The following STXBP6 variants were observed in gnomAD, a reference collection of about 807,000 sequenced individuals.
The protein encoded by STXBP6 is syntaxin-binding protein 6.
STXBP6 carries 21 observed loss-of-function variants against 26.9 expected under a neutral mutation model. That is an observed-to-expected ratio of 0.78 (90% CI 0.55 to 1.12). STXBP6 has a LOEUF of 1.12. Ranked by LOEUF, STXBP6 falls within the 50% of genes most tolerant of loss-of-function variation. The probability of loss-of-function intolerance (pLI) is 0.00; values close to 1 mark genes in which losing one functional copy is unlikely to be tolerated. For synonymous variants in STXBP6, 97 were observed against 92.6 expected (o/e 1.05, Z -0.27); for missense variants, 232 against 257.9 (o/e 0.90, Z 0.69).
At chr14:24,895,230 T>C (rs1369958769) in intron 2 of STXBP6, among the ~76,000 whole-genome samples, 1 of 152,222 alleles carries the variant, frequency 6.6e-6, no homozygotes, top group Non-Finnish European at 1.5e-5. Flanking sequence ...TGTCCAGATT[T>C]TTTTCATTGT....
intron 1 of STXBP6, among the ~76,000 whole-genome samples, chr14:25,002,358 A>ATTTTTTTTTTTTTTTTTTTT (rs1566552415): frequency 1.8e-5 from 2 of 110,218 alleles, no homozygotes; most frequent in Non-Finnish European, 3.7e-5. Context: ...AATTCTTATG[A>ATTTTTTTTTTTTTTTTTTTT]CTTTTTTTTT....
Position 24,817,842 on chromosome 14 carries a change from C to T in STXBP6, c.609+1195G>A, listed in dbSNP as rs1028783211. ...TTGAAGGAACTCGAAATGGGCCCCA[C>T]GGGCAACAGTGCAGTAAGACCCTGT... On this transcript the variant is annotated intron_variant, in intron 5 of 5. Coordinates refer to ENST00000323944, the MANE Select transcript of STXBP6 (RefSeq NM_001394410.1). The T allele has an allele frequency of 7.3e-5, 24 of 330,656 alleles. No individual in the cohort carries two copies. In the Middle Eastern group the frequency reaches 5.5e-3, roughly 75 times the overall value. 20.5% of individuals were successfully genotyped at this position (330,656 alleles called of 1,614,324 possible).
intron 2 of STXBP6, among the ~76,000 whole-genome samples, chr14:24,864,228 C>A (rs1328826009): frequency 4.6e-5 from 7 of 152,128 alleles, no homozygotes; most frequent in African/African-American, 1.7e-4. Context: ...AGTTTCTCCA[C>A]AAGAAGCTCA....
chr14:25,046,122 G>A (rs866868707), intron 1 of STXBP6, among the ~76,000 whole-genome samples: 6 of 152,220 alleles, frequency 3.9e-5, no homozygotes, highest in South Asian at 2.1e-4. Flanking sequence ...CATAATGACC[G>A]TCTCACAACA....
intron 1 of STXBP6, among the ~76,000 whole-genome samples, chr14:25,033,827 C>A (rs1481043968): frequency 6.6e-6 from 1 of 152,216 alleles, no homozygotes; most frequent in Non-Finnish European, 1.5e-5. Flanking sequence ...TGATTTTGCT[C>A]ACCATGAAAA....
intron 2 of STXBP6, among the ~76,000 whole-genome samples, chr14:24,930,566 C>G (rs1455027912): frequency 6.6e-6 from 1 of 152,106 alleles, no homozygotes; most frequent in Non-Finnish European, 1.5e-5. Context: ...TCACAATGAA[C>G]TGATAACACT....
chr14:24,826,316 G>A (rs575125536), intron 4 of STXBP6, among the ~76,000 whole-genome samples: 1 of 152,262 alleles, frequency 6.6e-6, no homozygotes, highest in East Asian at 1.9e-4. Context: ...TATCTCATGA[G>A]ATTGCTGTGA....
At chr14:25,032,865 A>G (rs552293701) in intron 1 of STXBP6, among the ~76,000 whole-genome samples, 3 of 152,330 alleles carry the variant, frequency 2.0e-5, no homozygotes, top group African/African-American at 7.2e-5. Flanking sequence ...GAAGTTCAAA[A>G]TAACTTGTAA....
At chr14:24,887,501 G>C (rs2139491851) in intron 2 of STXBP6, among the ~76,000 whole-genome samples, 1 of 152,156 alleles carries the variant, frequency 6.6e-6, no homozygotes, top group East Asian at 1.9e-4. Flanking sequence ...AAACATTAAT[G>C]GAGGCTTCCA....
At chr14:24,987,933 A>C (rs529834736) in intron 1 of STXBP6, 1 of 968,418 alleles carries the variant, frequency 1.0e-6, no homozygotes, top group South Asian at 4.8e-5. Context: ...ACTGAGGAGA[A>C]GAAGAGCAAC....
chr14:25,048,192 C>T (rs1447024510), intron 1 of STXBP6, among the ~76,000 whole-genome samples: 2 of 152,222 alleles, frequency 1.3e-5, no homozygotes, highest in Non-Finnish European at 2.9e-5. Flanking sequence ...TCATTCAAAA[C>T]AACTGAGTAA....
At chr14:24,883,543 G>A (rs146291352) in intron 2 of STXBP6, among the ~76,000 whole-genome samples, 4 of 152,276 alleles carry the variant, frequency 2.6e-5, no homozygotes, top group East Asian at 3.9e-4. Context: ...GCTCATGAAT[G>A]GTAGAAGCCT....
intron 2 of STXBP6, among the ~76,000 whole-genome samples, chr14:24,942,641 CAT>C (rs1157258190): frequency 6.6e-6 from 1 of 152,198 alleles, no homozygotes; most frequent in Non-Finnish European, 1.5e-5. Context: ...TTTTATTCAG[CAT>C]TTATTGAACA....
intron 2 of STXBP6, among the ~76,000 whole-genome samples, chr14:24,859,886 T>C (rs1380223567): frequency 1.3e-5 from 2 of 152,202 alleles, no homozygotes; most frequent in Non-Finnish European, 2.9e-5. Context: ...TCCGGCTTCC[T>C]GCACTGGTAT....
At chr14:24,888,352 C>T (rs1044842664) in intron 2 of STXBP6, among the ~76,000 whole-genome samples, 7 of 152,168 alleles carry the variant, frequency 4.6e-5, no homozygotes, top group African/African-American at 1.7e-4. Flanking sequence ...ACCCAATATA[C>T]ATCAGAGAAT....
chr14:24,856,930 T>C (rs932776122), intron 3 of STXBP6, 97 bp downstream of exon 3: 4 of 1,420,138 alleles, frequency 2.8e-6, no homozygotes, highest in Non-Finnish European at 3.8e-6. Context: ...ATAGCCTTCT[T>C]AAGAATGATT....
intron 1 of STXBP6, among the ~76,000 whole-genome samples, chr14:25,002,428 T>C (rs1311167601): frequency 6.7e-6 from 1 of 148,424 alleles, no homozygotes; most frequent in African/African-American, 2.5e-5. Context: ...GGTGTGATCT[T>C]GGCTCTCTGC....
At chr14:24,945,119 T>A (rs1396369619) in intron 2 of STXBP6, among the ~76,000 whole-genome samples, 1 of 141,406 alleles carries the variant, frequency 7.1e-6, no homozygotes, top group Non-Finnish European at 1.5e-5. Context: ...AACTTTGGCA[T>A]GTATATGAAC....
chr14:25,034,563 G>C (rs2075518580), intron 1 of STXBP6, among the ~76,000 whole-genome samples: 1 of 152,180 alleles, frequency 6.6e-6, no homozygotes, highest in Non-Finnish European at 1.5e-5. Context: ...CCTCAGTACA[G>C]CACAGTGCAG....
Sources: allele counts gnomAD v4.1 joint callset (sites outside exome capture counted in the v4.1 genomes callset), GRCh38; gene constraint gnomAD v4.1.1; transcripts MANE v1.5; gene names NCBI Gene and HGNC (gene_info 2026-07-23, HGNC 2026-07-21).